Variants in LRGUK observed in about 807,000 individuals in gnomAD.
The protein encoded by LRGUK is leucine rich repeats and guanylate kinase domain containing.
LRGUK carries 65 observed loss-of-function variants against 76.0 expected under a neutral mutation model. The ratio of observed to expected loss-of-function variants is 0.85; its 90% CI spans 0.70 to 1.05. The LOEUF is 1.05. Ranked by LOEUF, LRGUK falls within the 50% of genes least tolerant of loss-of-function variation. The pLI is 0.00. For missense variants in LRGUK, 758 were observed against 732.8 expected, an observed-to-expected ratio of 1.03 and a Z score of -0.40; for synonymous variants, 268 against 265.6, an observed-to-expected ratio of 1.01 and a Z score of -0.09.
chr7:134,179,326 T>A (rs1245909893), intron 10 of LRGUK, among the ~76,000 whole-genome samples: 3 of 152,200 alleles, frequency 2.0e-5, no homozygotes, highest in Admixed American at 2.0e-4. Flanking sequence ...AATGCAGAAA[T>A]TCTATCAATA....
At chr7:134,273,255 A>G in the LRGUK span, among the ~76,000 whole-genome samples, 1 of 152,104 alleles carries the variant, frequency 6.6e-6, no homozygotes, top group Non-Finnish European at 1.5e-5. Context: ...CATATTGAGA[A>G]CTTGGCGAAC....
chr7:134,138,471 C>T (rs550357739), intron 2 of LRGUK, among the ~76,000 whole-genome samples: 1 of 151,938 alleles, frequency 6.6e-6, no homozygotes, highest in South Asian at 2.1e-4. Flanking sequence ...TATTTGTGTA[C>T]ATATCTTCTC....
chr7:134,137,135 G>A lies in LRGUK; in HGVS notation c.405+5G>A, dbSNP rs1797573767. Reference sequence around the variant, plus strand: ...TACCTCAATCTAACTTTATCAGTGAGTATGACAAAATCTCCATTGGCTGGC... The same window carrying A: ...TACCTCAATCTAACTTTATCAGTGAATATGACAAAATCTCCATTGGCTGGC... On this transcript the variant is annotated splice_donor_5th_base_variant and intron_variant, in intron 2 of 15. Transcript: ENST00000645682. The A allele has an allele frequency of 1.9e-6, 3 of 1,600,782 alleles. No homozygotes were observed. In the African/African-American group the frequency reaches 4.0e-5, roughly 21 times the overall value.
At chr7:134,251,451 C>T (rs1173840648) in intron 18 of LRGUK, among the ~76,000 whole-genome samples, 2 of 152,168 alleles carry the variant, frequency 1.3e-5, no homozygotes, top group African/African-American at 4.8e-5. Context: ...TGATTTTGGA[C>T]TTTAGGCCTC....
intron 5 of LRGUK, among the ~76,000 whole-genome samples, chr7:134,151,044 ATAG>A (rs1446729983): frequency 1.3e-5 from 2 of 152,224 alleles, no homozygotes; most frequent in Non-Finnish European, 2.9e-5. Flanking sequence ...TTTTGAAAAG[ATAG>A]TAGGCTAGTT....
exon 16 of LRGUK, chr7:134,209,591 A>G: frequency 2.5e-6 from 1 of 398,928 alleles, no homozygotes; most frequent in Non-Finnish European, 4.4e-6. Context: ...CCAGAGCAGG[A>G]GGCCCACACC....
intron 16 of LRGUK, among the ~76,000 whole-genome samples, chr7:134,233,294 C>A (rs1563194172): frequency 6.6e-6 from 1 of 152,196 alleles, no homozygotes; most frequent in South Asian, 2.1e-4. Context: ...GTTTTTCCTT[C>A]TAGAAGAAGC....
chr7:134,215,633 T>C (rs2117140579), intron 15 of LRGUK, among the ~76,000 whole-genome samples: 1 of 152,280 alleles, frequency 6.6e-6, no homozygotes, highest in Non-Finnish European at 1.5e-5. Flanking sequence ...AGAACAATCT[T>C]GATCAGCTTA....
At chr7:134,127,520 A>C (rs1481848247) in exon 1 of LRGUK, 1 of 1,614,202 alleles carries the variant, frequency 6.2e-7, no homozygotes, top group Non-Finnish European at 8.5e-7. Flanking sequence ...AGAAGACGAA[A>C]GGCAGCTCTA....
intron 3 of LRGUK, among the ~76,000 whole-genome samples, chr7:134,141,193 G>T (rs1193657171): frequency 2.0e-5 from 3 of 152,224 alleles, no homozygotes; most frequent in East Asian, 1.9e-4. Context: ...AAAGCCTCCT[G>T]TGTGTAAAGT....
At chr7:134,171,205 TGAAGTATTTATTC>T (rs1316088150) in intron 7 of LRGUK, among the ~76,000 whole-genome samples, 1 of 152,028 alleles carries the variant, frequency 6.6e-6, no homozygotes, top group Non-Finnish European at 1.5e-5. Flanking sequence ...GATCTGTTTC[TGAAGTATTTATTC>T]TGTTCCATTG....
At chr7:134,218,205 G>C (rs895383339) in intron 15 of LRGUK, among the ~76,000 whole-genome samples, 1 of 152,072 alleles carries the variant, frequency 6.6e-6, no homozygotes, top group Non-Finnish European at 1.5e-5. Flanking sequence ...TCAAGTGAAC[G>C]CCTGCCTCGG....
chr7:134,146,866 G>C (rs1027624692), intron 4 of LRGUK, among the ~76,000 whole-genome samples: 2 of 152,108 alleles, frequency 1.3e-5, no homozygotes, highest in African/African-American at 4.8e-5. Context: ...ATTGCTTGAT[G>C]GTTTTCCAGA....
chr7:134,138,668 C>G (rs1797633392), intron 2 of LRGUK, among the ~76,000 whole-genome samples: 1 of 152,136 alleles, frequency 6.6e-6, no homozygotes, highest in Admixed American at 6.6e-5. Context: ...CTTATAATGA[C>G]TCTTCATTGG....
intron 9 of LRGUK, among the ~76,000 whole-genome samples, 178 bp from the exon 10 acceptor site, chr7:134,178,325 A>G (rs1307523735): frequency 6.6e-6 from 1 of 152,086 alleles, no homozygotes; most frequent in African/African-American, 2.4e-5. Flanking sequence ...CATTTCTTAA[A>G]TTTTAGGAAA....
intron 16 of LRGUK, among the ~76,000 whole-genome samples, chr7:134,241,572 A>G (rs1802154129): frequency 6.6e-6 from 1 of 152,232 alleles, no homozygotes; most frequent in Non-Finnish European, 1.5e-5. Flanking sequence ...TTAGAGACCT[A>G]TATAGAGACT....
Position 134,185,246 on chromosome 7 carries a change from A to G in LRGUK, c.1334+1393A>G, listed in dbSNP as rs542295939. Among the ~76,000 whole-genome samples the G allele has an allele frequency of 2.2e-4, 33 of 152,310 alleles. 1 individual carries two copies. Among genetic ancestry groups the G allele is most frequent in the African/African-American group, 7.7e-4 (32 of 41,566 alleles). On this transcript the variant is annotated intron_variant, in intron 11 of 15. Transcript: ENST00000645682. ...ACAAACAAAAAAACCACACACACACAAAACTCCAACTGAGTTTAAAGAGTT... is the reference window on the plus strand; with the variant it reads ...ACAAACAAAAAAACCACACACACACGAAACTCCAACTGAGTTTAAAGAGTT...
intron 5 of LRGUK, among the ~76,000 whole-genome samples, chr7:134,154,807 T>C (rs1798388633): frequency 1.3e-5 from 2 of 152,216 alleles, no homozygotes; most frequent in African/African-American, 4.8e-5. Context: ...TGACTAGCTG[T>C]GGGATTCCAA....
rs558099465 is a variant in LRGUK at position 134,264,317 on chromosome 7, T to C, written c.*342T>C. The C allele has an allele frequency of 3.5e-4, 63 of 179,522 alleles. 4 individuals are homozygous for C. In the South Asian group the frequency reaches 0.011, roughly 32 times the overall value. The allele number at this position is 179,522 out of a possible 1,614,324, so 11.1% of individuals were successfully genotyped here. Reference sequence around the variant, plus strand: ...TGCTCGGAAATATCAGATGGAAAAATCTCCCAAGATCTCTGCACCGTGATA... The same window carrying C: ...TGCTCGGAAATATCAGATGGAAAAACCTCCCAAGATCTCTGCACCGTGATA... On this transcript the variant is annotated 3_prime_UTR_variant, in exon 20 of 20. Transcript: ENST00000285928.
Sources: allele counts gnomAD v4.1 joint callset (sites outside exome capture counted in the v4.1 genomes callset), GRCh38; gene constraint gnomAD v4.1.1; transcripts MANE v1.5; gene names NCBI Gene and HGNC (gene_info 2026-07-23, HGNC 2026-07-21).